CACNA1E: variants seen among roughly 807,000 people sequenced by gnomAD.
The protein encoded by CACNA1E is calcium voltage-gated channel subunit alpha1 E, also known as voltage-dependent R-type calcium channel subunit alpha-1E.
Under a neutral mutation model 259.2 loss-of-function variants are expected in CACNA1E, and 40 were observed. The ratio of observed to expected loss-of-function variants is 0.15; its 90% CI spans 0.12 to 0.20. CACNA1E has a LOEUF of 0.20. Ranked by LOEUF, CACNA1E falls within the 10% of genes least tolerant of loss-of-function variation. CACNA1E has a pLI of 1.00. For missense variants in CACNA1E, 1,874 were observed against 3,040.1 expected (o/e 0.62, Z 9.02); for synonymous variants, 1,104 against 1,138.5 (o/e 0.97, Z 0.61).
chr1:181,627,476 C>A (rs190536051), intron 6 of CACNA1E, among the ~76,000 whole-genome samples: 1 of 152,016 alleles, frequency 6.6e-6, no homozygotes, highest in African/African-American at 2.4e-5. Context: ...AGATAAGGCT[C>A]GGTAAATGGA....
intron 7 of CACNA1E, among the ~76,000 whole-genome samples, chr1:181,660,878 A>C (rs1226550814): frequency 2.0e-5 from 3 of 152,242 alleles, no homozygotes; most frequent in Non-Finnish European, 4.4e-5. Flanking sequence ...TGACTGACTC[A>C]CGCAAGAGTT....
At chr1:181,786,472 A>G (rs187628960) in intron 43 of CACNA1E, among the ~76,000 whole-genome samples, 2 of 152,310 alleles carry the variant, frequency 1.3e-5, no homozygotes, top group Admixed American at 6.5e-5. Context: ...TCACTATACC[A>G]TGTTTTCTTT....
chr1:181,488,960 C>A (rs532034613), intron 1 of CACNA1E, among the ~76,000 whole-genome samples: 67 of 152,282 alleles, frequency 4.4e-4, no homozygotes, highest in African/African-American at 1.6e-3. Context: ...TTCTTTCAAT[C>A]TTCATATTCT....
Position 181,337,561 on chromosome 1 carries a change from G to A in CACNA1E, c.-15+19438G>A, listed in dbSNP as rs148342173. 1.4e-4 allele frequency among the ~76,000 whole-genome samples: 22 copies of A among 151,992 alleles called. No individual in the cohort carries two copies. The East Asian group carries it at 3.9e-3, about 27-fold the overall frequency. On this transcript the variant is annotated intron_variant, in intron 1 of 11. Coordinates refer to the CACNA1E transcript ENST00000524607. ...GCCCCTAACCGCCATTTTACTCTTT[G>A]TTTCTACATATTTGACTTTTTAAAG...
chr1:181,331,289 C>A (rs534390200), intron 1 of CACNA1E, among the ~76,000 whole-genome samples: 134 of 152,164 alleles, frequency 8.8e-4, no homozygotes, highest in African/African-American at 2.9e-3. Context: ...GGGGAACTGG[C>A]TTACGTGATT....
At chr1:181,347,425 G>GT (rs1369980791) in intron 1 of CACNA1E, among the ~76,000 whole-genome samples, 1 of 152,148 alleles carries the variant, frequency 6.6e-6, no homozygotes, top group Non-Finnish European at 1.5e-5. Context: ...GTGGTTTGGT[G>GT]TTTTTGTCTA....
intron 2 of CACNA1E, among the ~76,000 whole-genome samples, chr1:181,452,856 T>C (rs1212396919): frequency 6.6e-6 from 1 of 152,202 alleles, no homozygotes; most frequent in Non-Finnish European, 1.5e-5. Flanking sequence ...CTCAGTACAA[T>C]CTGTTTCGTT....
intron 2 of CACNA1E, among the ~76,000 whole-genome samples, chr1:181,414,110 A>G (rs1033861328): frequency 5.3e-5 from 8 of 152,200 alleles, no homozygotes; most frequent in African/African-American, 1.9e-4. Context: ...GCAAAAGGCC[A>G]ACTTTAATTC....
At chr1:181,633,041 T>C (rs1200984983) in intron 6 of CACNA1E, among the ~76,000 whole-genome samples, 2 of 152,134 alleles carry the variant, frequency 1.3e-5, no homozygotes, top group Admixed American at 6.5e-5. Context: ...GGAAGTCAGC[T>C]CTGCAAAAGA....
At chr1:181,430,288 G>A (rs954148088) in intron 2 of CACNA1E, among the ~76,000 whole-genome samples, 4 of 152,220 alleles carry the variant, frequency 2.6e-5, no homozygotes, top group South Asian at 2.1e-4. Context: ...AGGTTAGAAC[G>A]AAAGTTTAAT....
At chr1:181,378,603 T>C (rs1353900397) in intron 1 of CACNA1E, among the ~76,000 whole-genome samples, 1 of 152,178 alleles carries the variant, frequency 6.6e-6, no homozygotes, top group Non-Finnish European at 1.5e-5. Flanking sequence ...TGAGTACTTA[T>C]AAGTGCATGT....
chr1:181,413,696 C>G (rs937759071), intron 2 of CACNA1E: 1 of 152,540 alleles, frequency 6.6e-6, no homozygotes, highest in Admixed American at 6.5e-5. Context: ...GATGCTTTCG[C>G]TGTGCTGCGA....
At chr1:181,338,751 C>G (rs977135644) in intron 1 of CACNA1E, among the ~76,000 whole-genome samples, 3 of 152,084 alleles carry the variant, frequency 2.0e-5, no homozygotes, top group African/African-American at 7.2e-5. Flanking sequence ...TATCAAAGAG[C>G]TTTTCCCTTA....
intron 3 of CACNA1E, among the ~76,000 whole-genome samples, chr1:181,562,381 A>G (rs1391831545): frequency 6.6e-6 from 1 of 152,148 alleles, no homozygotes; most frequent in Non-Finnish European, 1.5e-5. Flanking sequence ...TTATAATGCT[A>G]TGGAACTTTT....
chr1:181,796,302 A>C (rs1661800006), intron 46 of CACNA1E, among the ~76,000 whole-genome samples: 1 of 152,188 alleles, frequency 6.6e-6, no homozygotes, highest in South Asian at 2.1e-4. Context: ...GGGTAGATTC[A>C]ATAACATGTA....
At chr1:181,619,879 T>C (rs1395117562) in intron 6 of CACNA1E, among the ~76,000 whole-genome samples, 1 of 151,924 alleles carries the variant, frequency 6.6e-6, no homozygotes, top group Non-Finnish European at 1.5e-5. Flanking sequence ...AGCAGGTCTG[T>C]GTTTTATTGG....
chr1:181,441,125 C>T (rs1660446807), intron 2 of CACNA1E, among the ~76,000 whole-genome samples: 2 of 149,414 alleles, frequency 1.3e-5, no homozygotes, highest in Non-Finnish European at 1.5e-5. Context: ...TTATCCTTAT[C>T]ATCTTTAATC....
Position 181,780,872 on chromosome 1 carries a change from A to AG in CACNA1E, c.5268-549dup, listed in dbSNP as rs201950633. 9.1e-3 allele frequency among the ~76,000 whole-genome samples: 1,388 copies of AG among 152,058 alleles called. 12 individuals are homozygous for AG. Among genetic ancestry groups the AG allele is most frequent in the Admixed American group, 0.019 (293 of 15,274 alleles). ...GCCTCCTGCTGCACACACACACCAG[A>AG]GGGGGGATACACGACGTTCTGCCTG... is the stretch of plus-strand genomic sequence containing the variant. On this transcript the variant is annotated intron_variant, in intron 38 of 47. Coordinates refer to ENST00000367573, the MANE Select transcript of CACNA1E (RefSeq NM_001205293.3).
chr1:181,511,220 A>G, intron 2 of CACNA1E, 151 bp from the exon 3 acceptor site: 1 of 822,676 alleles, frequency 1.2e-6, no homozygotes, highest in Non-Finnish European at 2.0e-6. Context: ...AGTCACAGAC[A>G]GCCTGCAAGG....
Sources: allele counts gnomAD v4.1 joint callset (sites outside exome capture counted in the v4.1 genomes callset), GRCh38; gene constraint gnomAD v4.1.1; transcripts MANE v1.5; gene names NCBI Gene and HGNC (gene_info 2026-07-23, HGNC 2026-07-21).